The following KIAA0825 variants were observed in gnomAD, a reference collection of about 807,000 sequenced individuals.
KIAA0825 encodes uncharacterized protein KIAA0825.
A neutral mutation model predicts 147.6 loss-of-function variants in KIAA0825; 119 were observed. That is an observed-to-expected ratio of 0.81 (90% CI 0.69 to 0.94). The LOEUF is 0.94. Ranked by LOEUF, KIAA0825 falls within the 40% of genes least tolerant of loss-of-function variation. The probability of loss-of-function intolerance (pLI) is 0.00; values close to 1 mark genes in which losing one functional copy is unlikely to be tolerated. For missense variants in KIAA0825, 1,381 were observed against 1,472.7 expected, an observed-to-expected ratio of 0.94 and a Z score of 1.02; for synonymous variants, 470 against 518.1, an observed-to-expected ratio of 0.91 and a Z score of 1.26.
At position 94,527,955 on chromosome 5, in the gene KIAA0825, A is replaced by G. The variant is rs191635504; in HGVS notation, c.132-3857T>C. The stretch of plus-strand genomic sequence containing the variant: ...CCTGAAACAAAGACATTTCTGGATA[A>G]TATTTTTTAAAAGAATATTTAAAAA... On this transcript the variant is annotated intron_variant, in intron 3 of 20. Coordinates refer to ENST00000682413, the MANE Select transcript of KIAA0825 (RefSeq NM_001145678.3). Among the ~76,000 whole-genome samples, 304 of 152,218 alleles carry G rather than the reference A, an allele frequency of 2.0e-3. 1 individual carries two copies. Among genetic ancestry groups the G allele is most frequent in the African/African-American group, 7.1e-3 (295 of 41,560 alleles).
chr5:94,359,027 A>G (rs1168185451), intron 20 of KIAA0825, among the ~76,000 whole-genome samples: 1 of 152,192 alleles, frequency 6.6e-6, no homozygotes, highest in African/African-American at 2.4e-5. Flanking sequence ...TTATGGAAGG[A>G]CTGATTTTGG....
At chr5:94,386,449 A>T in intron 18 of KIAA0825, 45 bp from the exon 19 acceptor site, 5 of 1,475,382 alleles carry the variant, frequency 3.4e-6, no homozygotes, top group Non-Finnish European at 4.6e-6. Flanking sequence ...AGAAGCAGAC[A>T]TTCTCTGTAA....
intron 2 of KIAA0825, among the ~76,000 whole-genome samples, chr5:94,549,620 G>C (rs770669525): frequency 4.6e-5 from 7 of 152,192 alleles, no homozygotes; most frequent in Non-Finnish European, 1.0e-4. Context: ...GGCAGAGGCA[G>C]GAGAATTGCT....
At chr5:94,455,269 C>T (rs562068176) in intron 12 of KIAA0825, among the ~76,000 whole-genome samples, 3 of 151,960 alleles carry the variant, frequency 2.0e-5, no homozygotes, top group South Asian at 4.2e-4. Context: ...CTTAAAGAAA[C>T]ATTCAAGCAA....
At chr5:94,583,366 C>G (rs1404865263) in intron 1 of KIAA0825, among the ~76,000 whole-genome samples, 1 of 152,248 alleles carries the variant, frequency 6.6e-6, no homozygotes, top group Admixed American at 6.5e-5. Flanking sequence ...TTGTGTCTGG[C>G]TTGGTGGGCC....
chr5:94,517,671 ATTAT>A (rs1331559650), intron 5 of KIAA0825, among the ~76,000 whole-genome samples: 1 of 151,136 alleles, frequency 6.6e-6, no homozygotes, highest in African/African-American at 2.4e-5. Context: ...TTAAATTAGG[ATTAT>A]TTAAATTTAA....
intron 14 of KIAA0825, among the ~76,000 whole-genome samples, chr5:94,434,622 A>G (rs1211385116): frequency 2.6e-5 from 4 of 152,190 alleles, no homozygotes; most frequent in Non-Finnish European, 5.9e-5. Flanking sequence ...CAAGAACACA[A>G]GTGTATTTGG....
In KIAA0825 at chr5:94,363,101, T is replaced by A. The variant is rs548733904; in HGVS notation, c.3710+21267A>T. Among the ~76,000 whole-genome samples, 4 of 151,418 alleles carry A rather than the reference T, an allele frequency of 2.6e-5. No individual in the cohort carries two copies. In the South Asian group the frequency reaches 8.3e-4, roughly 32 times the overall value. On this transcript the variant is annotated intron_variant, in intron 20 of 20. Coordinates refer to ENST00000682413, the MANE Select transcript of KIAA0825 (RefSeq NM_001145678.3). ...GATGAGAAGAGCCTTCTGGGCAAGT[T>A]AGACAGGTAAACAACAAAGCCTTAT...
intron 20 of KIAA0825, among the ~76,000 whole-genome samples, chr5:94,166,861 A>G (rs777183319): frequency 4.6e-5 from 7 of 152,078 alleles, no homozygotes; most frequent in Non-Finnish European, 8.8e-5. Context: ...ATCATTATTA[A>G]ATTATATGGT....
intron 20 of KIAA0825, among the ~76,000 whole-genome samples, chr5:94,334,664 C>T (rs545635873): frequency 6.6e-6 from 1 of 151,966 alleles, no homozygotes; most frequent in Non-Finnish European, 1.5e-5. Context: ...TTGTATTTTT[C>T]GTAGAGACAG....
chr5:94,178,599 T>C (rs1184102324), intron 20 of KIAA0825, among the ~76,000 whole-genome samples: 1 of 152,030 alleles, frequency 6.6e-6, no homozygotes, highest in Non-Finnish European at 1.5e-5. Flanking sequence ...GATATAAATT[T>C]TGAATTATTG....
At chr5:94,558,542 C>T (rs1164972268) in intron 2 of KIAA0825, among the ~76,000 whole-genome samples, 1 of 152,126 alleles carries the variant, frequency 6.6e-6, no homozygotes, top group Non-Finnish European at 1.5e-5. Flanking sequence ...ATTTTTTTCC[C>T]TTAAAGTAAC....
chr5:94,244,619 C>T (rs1380147847), intron 20 of KIAA0825, among the ~76,000 whole-genome samples: 1 of 152,114 alleles, frequency 6.6e-6, no homozygotes, highest in Non-Finnish European at 1.5e-5. Flanking sequence ...TTACATGAAT[C>T]TTGGTTTTGT....
intron 1 of KIAA0825, among the ~76,000 whole-genome samples, chr5:94,606,625 A>G (rs1235680512): frequency 6.6e-6 from 1 of 152,216 alleles, no homozygotes; most frequent in Non-Finnish European, 1.5e-5. Context: ...CAACTATGTG[A>G]TTTTTGACAA....
chr5:94,381,437 A>G (rs1265343230), intron 20 of KIAA0825, among the ~76,000 whole-genome samples: 3 of 152,338 alleles, frequency 2.0e-5, no homozygotes, highest in East Asian at 3.9e-4. Context: ...CGAGTATTAC[A>G]TTGAATCCAC....
chr5:94,479,857 T>A (rs936299392), intron 6 of KIAA0825, among the ~76,000 whole-genome samples: 1 of 152,188 alleles, frequency 6.6e-6, no homozygotes, highest in African/African-American at 2.4e-5. Context: ...CATCTTTTCA[T>A]ATGCTTATTT....
chr5:94,222,860 A>G (rs971292028), intron 20 of KIAA0825, among the ~76,000 whole-genome samples: 4 of 152,208 alleles, frequency 2.6e-5, no homozygotes, highest in Non-Finnish European at 4.4e-5. Flanking sequence ...TATTTAAGAT[A>G]TACAATATGA....
Position 94,152,865 on chromosome 5 carries a change from TATATATATATATATATATATA to T in KIAA0825, c.*1121_*1141del, listed in dbSNP as rs1766671080. 2 of 7,342 alleles carry T rather than the reference TATATATATATATATATATATA, an allele frequency of 2.7e-4. No individual in the cohort carries two copies. The highest frequency in any genetic ancestry group is 1.1e-3 in the African/African-American group (2 of 1,834). 0.5% of individuals were successfully genotyped at this position (7,342 alleles called of 1,614,324 possible). A position where few individuals can be genotyped will look rare whatever the true frequency, so the allele number is the denominator to read the frequency against. On this transcript the variant is annotated 3_prime_UTR_variant, in exon 21 of 21. Coordinates refer to ENST00000682413, the MANE Select transcript of KIAA0825 (RefSeq NM_001145678.3). Reference sequence around the variant, plus strand: ...AAAAAAAAAAAAAAAATTATATATATATATATATATATATATATATATATATATATATATATATGGTTTCTC... The same window carrying T: ...AAAAAAAAAAAAAAAATTATATATATTATATATATATATATATGGTTTCTC...
chr5:94,211,662 T>C (rs1772720295), intron 20 of KIAA0825, among the ~76,000 whole-genome samples: 1 of 152,196 alleles, frequency 6.6e-6, no homozygotes, highest in Non-Finnish European at 1.5e-5. Context: ...GTATACTTTG[T>C]CCACTATCTT....
Sources: allele counts gnomAD v4.1 joint callset (sites outside exome capture counted in the v4.1 genomes callset), GRCh38; gene constraint gnomAD v4.1.1; transcripts MANE v1.5; gene names NCBI Gene and HGNC (gene_info 2026-07-23, HGNC 2026-07-21).